COL24A1: variants seen among roughly 807,000 people sequenced by gnomAD.
COL24A1 encodes collagen alpha-1(XXIV) chain.
In COL24A1, 224 loss-of-function variants were observed where a neutral mutation model predicts 253.9. The ratio of observed to expected loss-of-function variants is 0.88; its 90% CI spans 0.79 to 0.99. The LOEUF (loss-of-function observed/expected upper bound fraction) is 0.99. Ranked by LOEUF, COL24A1 falls within the 50% of genes least tolerant of loss-of-function variation. The probability of loss-of-function intolerance (pLI) is 0.00; values close to 1 mark genes in which losing one functional copy is unlikely to be tolerated. For missense variants in COL24A1, 2,131 were observed against 2,068.5 expected (o/e 1.03, Z -0.59); for synonymous variants, 685 against 673.7 (o/e 1.02, Z -0.26).
At chr1:86,099,388 A>C (rs951848226) in intron 5 of COL24A1, among the ~76,000 whole-genome samples, 1 of 152,160 alleles carries the variant, frequency 6.6e-6, no homozygotes, top group African/African-American at 2.4e-5. Context: ...GAAAATAATA[A>C]AGAGTTGAAA....
chr1:85,896,186 A>G, intron 29 of COL24A1, 121 bp from the exon 30 acceptor site: 1 of 1,218,120 alleles, frequency 8.2e-7, no homozygotes, highest in Non-Finnish European at 1.2e-6. Flanking sequence ...TCATTATTGA[A>G]AAGAAAACAT....
chr1:86,017,306 T>C, intron 18 of COL24A1, 102 bp from the exon 19 acceptor site: 1 of 1,015,138 alleles, frequency 9.9e-7, no homozygotes. Flanking sequence ...AGTCATTATA[T>C]TATCATGTCA....
At chr1:85,861,417 T>A (rs1679135864) in intron 37 of COL24A1, among the ~76,000 whole-genome samples, 1 of 152,192 alleles carries the variant, frequency 6.6e-6, no homozygotes, top group Admixed American at 6.5e-5. Context: ...GATCTTTTAC[T>A]TTCTTGATTG....
At chr1:86,061,022 A>T (rs1179040616) in intron 8 of COL24A1, among the ~76,000 whole-genome samples, 1 of 152,034 alleles carries the variant, frequency 6.6e-6, no homozygotes, top group Non-Finnish European at 1.5e-5. Context: ...AGATATCTTT[A>T]TTCCCATATG....
At chr1:85,989,377 AC>A (rs1240534949) in intron 19 of COL24A1, among the ~76,000 whole-genome samples, 1 of 151,756 alleles carries the variant, frequency 6.6e-6, no homozygotes, top group Non-Finnish European at 1.5e-5. Flanking sequence ...CCCCACCACC[AC>A]CACGACCATC....
At chr1:85,973,452 G>A (rs532262956) in intron 20 of COL24A1, among the ~76,000 whole-genome samples, 49 of 152,090 alleles carry the variant, frequency 3.2e-4, no homozygotes, top group Non-Finnish European at 6.2e-4. Context: ...CTTTCTGGGA[G>A]GATTAGCATA....
chr1:85,817,965 T>G, intron 46 of COL24A1, 69 bp downstream of exon 46: 1 of 1,351,952 alleles, frequency 7.4e-7, no homozygotes, highest in South Asian at 1.2e-5. Context: ...GGCCCCAAAC[T>G]TTTCTGCTTG....
intron 43 of COL24A1, among the ~76,000 whole-genome samples, chr1:85,826,732 T>C (rs543032749): frequency 0.022 from 3,269 of 151,446 alleles, 110 homozygotes; most frequent in African/African-American, 0.071. Context: ...TGTTTGTCTG[T>C]TGTTGGTGTA....
At chr1:85,765,236 G>A (rs1667236262) in intron 53 of COL24A1, among the ~76,000 whole-genome samples, 1 of 152,102 alleles carries the variant, frequency 6.6e-6, no homozygotes, top group Middle Eastern at 3.4e-3. Context: ...TATTAACTTA[G>A]AGATAATATT....
intron 19 of COL24A1, among the ~76,000 whole-genome samples, chr1:86,007,442 T>C (rs1696079842): frequency 1.3e-5 from 2 of 152,286 alleles, no homozygotes; most frequent in South Asian, 4.2e-4. Flanking sequence ...TTTTACTGTG[T>C]GATCCAGAAG....
chr1:86,023,718 G>GA (rs1697764945), intron 14 of COL24A1, among the ~76,000 whole-genome samples: 1 of 151,920 alleles, frequency 6.6e-6, no homozygotes, highest in South Asian at 2.1e-4. Flanking sequence ...AAGAGACTTA[G>GA]AAAAAACTTC....
At chr1:86,035,355 G>A (rs998066055) in intron 12 of COL24A1, among the ~76,000 whole-genome samples, 1 of 152,126 alleles carries the variant, frequency 6.6e-6, no homozygotes, top group African/African-American at 2.4e-5. Flanking sequence ...TGACACACAG[G>A]TAATGGAAAA....
In COL24A1 at chr1:86,130,263, T is replaced by C. The variant is rs555482842; in HGVS notation, c.122-4049A>G. Among the ~76,000 whole-genome samples the C allele has an allele frequency of 2.6e-5, 4 of 152,028 alleles. No homozygotes were observed. In the South Asian group the frequency reaches 6.2e-4, roughly 24 times the overall value. ...TTCATCTACTGTGAAACACTATGTT[T>C]TAGGTAAAGACAAAGGGATTGTATT... On this transcript the variant is annotated intron_variant, in intron 2 of 59. Coordinates refer to ENST00000370571, the MANE Select transcript of COL24A1 (RefSeq NM_152890.7).
At chr1:85,925,680 G>C (rs954867967) in intron 24 of COL24A1, among the ~76,000 whole-genome samples, 1 of 152,132 alleles carries the variant, frequency 6.6e-6, no homozygotes, top group Non-Finnish European at 1.5e-5. Context: ...ATTCAAGATG[G>C]ATTAAAGACC....
chr1:86,128,272 T>A (rs1648623617), intron 2 of COL24A1, among the ~76,000 whole-genome samples: 1 of 152,026 alleles, frequency 6.6e-6, no homozygotes, highest in African/African-American at 2.4e-5. Context: ...CAATCTTCAG[T>A]GAAAATTTAC....
chr1:86,140,239 A>C (rs1398542344), intron 2 of COL24A1, among the ~76,000 whole-genome samples: 1 of 152,198 alleles, frequency 6.6e-6, no homozygotes, highest in East Asian at 1.9e-4. Context: ...AACTTGCTCA[A>C]GGTCAGTTAG....
chr1:85,786,370 C>T lies in COL24A1; in HGVS notation c.4043G>A (p.Gly1348Glu). 6.2e-7 allele frequency: 1 copy of T among 1,613,692 alleles called. No homozygotes were observed. Among genetic ancestry groups the T allele is most frequent in the Non-Finnish European group, 8.5e-7 (1 of 1,179,714 alleles). Residue 1348 changes from glycine to glutamate, a missense_variant, in exon 48 of 60, where the codon GGA (glycine) becomes GAA (glutamate). Coordinates refer to ENST00000370571, the MANE Select transcript of COL24A1 (RefSeq NM_152890.7). The part of the protein sequence containing the change: ...KGSSGLPGSP[G>E]IQGPKGEQGL... ...TTAAAGTACCTTTGGGCCTTGAATT[C>T]CTGGGCTTCCTGGCAAGCCTGATGA...
intron 47 of COL24A1, 31 bp from the exon 48 acceptor site, chr1:85,786,492 G>C: frequency 1.3e-6 from 2 of 1,586,692 alleles, no homozygotes; most frequent in Non-Finnish European, 1.7e-6. Flanking sequence ...ATGAAAACTG[G>C]GAAAGTTTCT....
chr1:86,049,699 A>C (rs1049868822), intron 11 of COL24A1, among the ~76,000 whole-genome samples: 1 of 152,146 alleles, frequency 6.6e-6, no homozygotes, highest in African/African-American at 2.4e-5. Flanking sequence ...ACCCATATTT[A>C]TTAACAGCTA....
Sources: allele counts gnomAD v4.1 joint callset (sites outside exome capture counted in the v4.1 genomes callset), GRCh38; gene constraint gnomAD v4.1.1; transcripts MANE v1.5; gene names NCBI Gene and HGNC (gene_info 2026-07-23, HGNC 2026-07-21).